Variants in ZNF568 observed in about 807,000 individuals in gnomAD.
ZNF568 encodes the protein p53 inhibitor of SCO2 activation.
Under a neutral mutation model 18.1 loss-of-function variants are expected in ZNF568, and 11 were observed. That is an observed-to-expected ratio of 0.61 (90% confidence interval 0.38 to 1.00). The LOEUF is 1.00. Among genes scored for constraint, ZNF568 ranks in the 50% least tolerant of loss-of-function variants. ZNF568 has a pLI of 0.01. For missense variants in ZNF568, 639 were observed against 768.2 expected (o/e 0.83, Z 1.99); for synonymous variants, 213 against 246.6 (o/e 0.86, Z 1.28).
At chr19:36,920,285 C>T (rs552113801) in intron 2 of ZNF568, among the ~76,000 whole-genome samples, 1 of 152,228 alleles carries the variant, frequency 6.6e-6, no homozygotes, top group East Asian at 1.9e-4. Flanking sequence ...CTGTACAATG[C>T]ATTTTAAGCT....
intron 4 of ZNF568, among the ~76,000 whole-genome samples, chr19:36,929,791 C>T (rs1472600055): frequency 1.3e-5 from 2 of 151,526 alleles, no homozygotes; most frequent in Non-Finnish European, 2.9e-5. Flanking sequence ...AGTGAGTCTT[C>T]AGTGAGCTAT....
intron 4 of ZNF568, among the ~76,000 whole-genome samples, chr19:36,993,800 T>G (rs1359487071): frequency 3.9e-5 from 6 of 152,122 alleles, no homozygotes; most frequent in Non-Finnish European, 8.8e-5. Flanking sequence ...TTTTTGTTGG[T>G]CAATCTAGCC....
In ZNF568 at chr19:36,990,864, G is replaced by A. The variant is rs192563952; in HGVS notation, c.10-312G>A. The stretch of plus-strand genomic sequence containing the variant: ...TTGTGTGCTTAACATAGGGTGTTCC[G>A]TGTACTTGCACGTACAGTTTCATTT... On this transcript the variant is annotated intron_variant, in intron 2 of 4. Coordinates refer to the ZNF568 transcript ENST00000433993. Among the ~76,000 whole-genome samples the A allele has an allele frequency of 9.2e-5, 14 of 152,276 alleles. No homozygotes were observed. In the East Asian group the frequency reaches 2.3e-3, roughly 25 times the overall value.
chr19:36,962,336 C>CTTT (rs76251375), intron 6 of ZNF568, among the ~76,000 whole-genome samples: 1 of 43,088 alleles, frequency 2.3e-5, no homozygotes, highest in Non-Finnish European at 3.8e-5. Flanking sequence ...GCTTTTCTTT[C>CTTT]TTTTTTTTTT....
At position 36,950,860 on chromosome 19, in the gene ZNF568, A is replaced by T. The variant is rs2074049021; in HGVS notation, c.1707A>T (p.Arg569=). ...ATGAATGTGGTAAAGCCTTCTCTCG[A>T]ATCTCATCCCTCACTCTTCATGTGA... is the stretch of plus-strand genomic sequence containing the variant. ...KCNECGKAFS[R]ISSLTLHVRS... is the part of the protein sequence containing the mutation. The change falls in exon 7 of 7, where the codon CGA becomes CGT. Residue 569 remains arginine, a synonymous_variant. Coordinates refer to ENST00000333987, the MANE Select transcript of ZNF568 (RefSeq NM_198539.4). 1.9e-6 allele frequency: 3 copies of T among 1,613,512 alleles called. No individual in the cohort carries two copies.
intron 6 of ZNF568, among the ~76,000 whole-genome samples, chr19:36,968,113 T>TTA (rs2074207561): frequency 2.6e-5 from 4 of 152,270 alleles, no homozygotes; most frequent in Middle Eastern, 3.4e-3. Flanking sequence ...TGAAGAATAA[T>TTA]ATGTATATAT....
rs1555730352 is a variant in ZNF568 at position 36,927,884 on chromosome 19, ATATTATATATATATATATATTTTTTTTT to A, written c.135+2628_135+2655del. On this transcript the variant is annotated intron_variant, in intron 4 of 6. Coordinates refer to ENST00000333987, the MANE Select transcript of ZNF568 (RefSeq NM_198539.4). ...TGTATATATATATATATATATATAT[ATATTATATATATATATATATTTTTTTTT>A]TTTTTTTTTTTTTTTTTTTGGTGAT... 3.1e-3 allele frequency among the ~76,000 whole-genome samples: 166 copies of A among 52,864 alleles called. 1 individual carries two copies. Among genetic ancestry groups the A allele is most frequent in the African/African-American group, 0.016 (161 of 10,296 alleles). 34.7% of individuals were successfully genotyped at this position (52,864 alleles called of 152,430 possible).
exon 5 of ZNF568, chr19:36,996,860 T>G (rs1320400276): frequency 1.3e-5 from 20 of 1,541,058 alleles, no homozygotes; most frequent in Non-Finnish European, 1.6e-5. Flanking sequence ...AGGATGCATC[T>G]TGGTGAGAAA....
At chr19:36,990,508 A>G (rs1038055568) in intron 2 of ZNF568, among the ~76,000 whole-genome samples, 11 of 152,192 alleles carry the variant, frequency 7.2e-5, no homozygotes, top group African/African-American at 2.7e-4. Context: ...CCAGCTACTC[A>G]GGAGGGTGAG....
At chr19:36,987,842 G>GTGTGTGTGTA (rs1189895543) in intron 2 of ZNF568, among the ~76,000 whole-genome samples, 11 of 151,876 alleles carry the variant, frequency 7.2e-5, no homozygotes, top group African/African-American at 2.7e-4. Context: ...GTGTGTGTGT[G>GTGTGTGTGTA]TGTGTGTGTT....
intron 2 of ZNF568, among the ~76,000 whole-genome samples, chr19:36,919,936 C>T (rs579452): frequency 0.41 from 62,001 of 151,940 alleles, 13,093 homozygotes; most frequent in Non-Finnish European, 0.44. Context: ...GGTTCATGTG[C>T]CTACTATACT....
At chr19:36,958,608 TTTTC>T (rs199884517) in intron 6 of ZNF568, among the ~76,000 whole-genome samples, 2 of 111,488 alleles carry the variant, frequency 1.8e-5, no homozygotes, top group Non-Finnish European at 1.9e-5. Flanking sequence ...TCTTTTTTCT[TTTTC>T]TTTCTTTTTT....
intron 4 of ZNF568, among the ~76,000 whole-genome samples, chr19:36,933,113 G>A (rs532246865): frequency 4.0e-4 from 58 of 146,252 alleles, no homozygotes; most frequent in African/African-American, 1.3e-3. Context: ...TTCAATTGAA[G>A]GTCATAATTT....
At position 36,991,749 on chromosome 19, in the gene ZNF568, A is replaced by G; in HGVS notation, c.134-2A>G. 6.4e-7 allele frequency: 1 copy of G among 1,563,760 alleles called. No homozygotes were observed. Among genetic ancestry groups the G allele is most frequent in the Non-Finnish European group, 8.6e-7 (1 of 1,161,878 alleles). On this transcript the variant is annotated splice_acceptor_variant, in intron 3 of 4. Transcript: ENST00000433993. LOFTEE classifies it high-confidence loss of function. ...AACCTTGTTCCCTTTGTTTTTGAGC[A>G]GGGCTTTCTGATACTAAGCCAAATG...
intron 4 of ZNF568, among the ~76,000 whole-genome samples, chr19:36,927,887 T>TATATTATATATA (rs1491142078): frequency 2.6e-5 from 1 of 39,070 alleles, no homozygotes. Flanking sequence ...TATATATATA[T>TATATTATATATA]TATATATATA....
intron 6 of ZNF568, among the ~76,000 whole-genome samples, chr19:36,966,857 A>G (rs1237482755): frequency 6.6e-6 from 1 of 152,236 alleles, no homozygotes; most frequent in Non-Finnish European, 1.5e-5. Flanking sequence ...TGGGCCTGGC[A>G]GACTACCTTG....
exon 5 of ZNF568, chr19:36,997,072 C>T (rs778837491): frequency 5.7e-6 from 9 of 1,566,348 alleles, no homozygotes; most frequent in African/African-American, 2.7e-5. Context: ...AAAGGCTTTT[C>T]GTTATGACAC....
rs778715587 is a variant in ZNF568 at position 36,991,257 on chromosome 19, C to T, written c.91C>T (p.Arg31Ter). Residue 31 changes from arginine (R) to a stop codon, truncating the protein, a stop_gained, in exon 3 of 5, where the codon CGA (arginine) becomes TGA (stop). Transcript: ENST00000433993. LOFTEE classifies it high-confidence loss of function. Reference sequence around the variant, plus strand: ...GCACTCTGCTCAGAAGGATTTGTACCGAGATGTAATGTTGGAAAATTACGG... The same window carrying T: ...GCACTCTGCTCAGAAGGATTTGTACTGAGATGTAATGTTGGAAAATTACGG... 8 of 1,535,572 alleles carry T rather than the reference C, an allele frequency of 5.2e-6. No individual in the cohort carries two copies. The highest frequency in any genetic ancestry group is 2.4e-5 in the East Asian group (1 of 40,896).
chr19:36,923,311 C>T (rs1431490349), intron 3 of ZNF568, among the ~76,000 whole-genome samples: 5 of 152,076 alleles, frequency 3.3e-5, no homozygotes, highest in Admixed American at 2.6e-4. Context: ...CCTTCCGTTT[C>T]ATCTCCACCC....
Sources: gnomAD v4.1 joint callset for allele counts (sites outside exome capture counted in the v4.1 genomes callset) on GRCh38, gnomAD v4.1.1 for gene constraint, MANE v1.5 for transcripts, NCBI Gene and HGNC (gene_info 2026-07-23, HGNC 2026-07-21) for gene names.